The following FBXO42 variants were observed in gnomAD, a reference collection of about 807,000 sequenced individuals.
FBXO42 encodes F-box protein 42.
Under a neutral mutation model 71.7 loss-of-function variants are expected in FBXO42, and 12 were observed. That is an observed-to-expected ratio of 0.17 (90% CI 0.11 to 0.27). The LOEUF (loss-of-function observed/expected upper bound fraction) is 0.27, where lower values mean the gene tolerates loss of function less well. Ranked by LOEUF, FBXO42 falls within the 10% of genes least tolerant of loss-of-function variation. The probability of loss-of-function intolerance (pLI) is 1.00; values close to 1 mark genes in which losing one functional copy is unlikely to be tolerated. For missense variants in FBXO42, 707 were observed against 911.9 expected, an observed-to-expected ratio of 0.78 and a Z score of 2.89; for synonymous variants, 325 against 327.5, an observed-to-expected ratio of 0.99 and a Z score of 0.08.
chr1:16,305,601 T>C (rs542067693), intron 3 of FBXO42, among the ~76,000 whole-genome samples: 2 of 152,132 alleles, frequency 1.3e-5, no homozygotes, highest in South Asian at 2.1e-4. Flanking sequence ...GTAGTCCTCA[T>C]ACTCAGGAGG....
rs1413001231 is a variant in FBXO42, at chr1:16,295,009, C to A, written c.368-92G>T. The A allele has an allele frequency of 7.1e-6, 10 of 1,407,606 alleles. No homozygotes were observed. In the East Asian group the frequency reaches 2.4e-4, roughly 34 times the overall value. 87.2% of individuals were successfully genotyped at this position (1,407,606 alleles called of 1,614,324 possible). On this transcript the variant is annotated intron_variant, in intron 3 of 9. Coordinates refer to ENST00000375592, the MANE Select transcript of FBXO42 (RefSeq NM_018994.3). ...CATATATTTTTCAAAGCTTATTTCA[C>A]ACATTCAGCAATTTTGTTACCAAGT...
chr1:16,248,750 C>T lies in FBXO42; in HGVS notation c.*1920G>A, dbSNP rs534256817. Reference sequence around the variant, plus strand: ...GGCAACAGCACCAGAGCCTGAGTCGCGAAAGGGAAGTGTGGAGCTCCAAGC... The same window carrying T: ...GGCAACAGCACCAGAGCCTGAGTCGTGAAAGGGAAGTGTGGAGCTCCAAGC... On this transcript the variant is annotated 3_prime_UTR_variant, in exon 10 of 10. Transcript: ENST00000375592. 10 of 152,306 alleles carry T rather than the reference C, an allele frequency of 6.6e-5. No individual in the cohort carries two copies. The highest frequency in any genetic ancestry group is 4.1e-4 in the South Asian group (2 of 4,830). The allele number at this position is 152,306 out of a possible 1,614,324, so 9.4% of individuals were successfully genotyped here.
intron 1 of FBXO42, among the ~76,000 whole-genome samples, chr1:16,319,011 C>A (rs2082392467): frequency 6.6e-6 from 1 of 152,148 alleles, no homozygotes. Flanking sequence ...TTTTTTAATA[C>A]ATTTATTTCT....
intron 4 of FBXO42, among the ~76,000 whole-genome samples, chr1:16,261,757 G>A (rs990507534): frequency 1.3e-5 from 2 of 151,916 alleles, no homozygotes; most frequent in African/African-American, 4.8e-5. Context: ...AGGCTGGAGT[G>A]CAGTGGCGCG....
intron 1 of FBXO42, among the ~76,000 whole-genome samples, chr1:16,348,562 C>T (rs1015556897): frequency 1.3e-5 from 2 of 151,716 alleles, no homozygotes; most frequent in Non-Finnish European, 1.5e-5. Context: ...ATTAGCCGGG[C>T]GTGGGGCGGG....
chr1:16,279,854 C>CTTTTTCTTTTTT lies in FBXO42; in HGVS notation c.502+14928_502+14929insAAAAAAGAAAAA, dbSNP rs1553151075. On this transcript the variant is annotated intron_variant, in intron 4 of 9. Coordinates refer to ENST00000375592, the MANE Select transcript of FBXO42 (RefSeq NM_018994.3). ...TCATGTTGACAATGGTTTTTTTTTT[C>CTTTTTCTTTTTT]TTTTTTTTTTGAGACAGAGTCTTGC... Among the ~76,000 whole-genome samples the CTTTTTCTTTTTT allele has an allele frequency of 5.8e-5, 8 of 138,194 alleles. 1 individual carries two copies. Among genetic ancestry groups the CTTTTTCTTTTTT allele is most frequent in the African/African-American group, 2.2e-4 (8 of 36,556 alleles). 90.7% of individuals were successfully genotyped at this position (138,194 alleles called of 152,430 possible).
chr1:16,345,465 G>A (rs1569954749), intron 1 of FBXO42, among the ~76,000 whole-genome samples: 1 of 152,062 alleles, frequency 6.6e-6, no homozygotes, highest in Admixed American at 6.6e-5. Flanking sequence ...TTCTAGTTGT[G>A]ACTACTGAAA....
rs2081580251 is a variant in FBXO42 at position 16,250,489 on chromosome 1, A to G, written c.*181T>C. On this transcript the variant is annotated 3_prime_UTR_variant, in exon 10 of 10. Coordinates refer to ENST00000375592, the MANE Select transcript of FBXO42 (RefSeq NM_018994.3). The surrounding 1 kb of genome is among the most constrained non-coding windows in gnomAD (Gnocchi z 4.7). ...TTGGCTATATAATATATATATATAT[A>G]TTTATATATAATTTTTTTTCTTAAT... The G allele has an allele frequency of 1.1e-5, 2 of 182,866 alleles. No homozygotes were observed. Among genetic ancestry groups the G allele is most frequent in the South Asian group, 3.7e-4 (2 of 5,424 alleles). 11.3% of individuals were successfully genotyped at this position (182,866 alleles called of 1,614,324 possible).
chr1:16,342,467 T>C (rs1303192062), intron 1 of FBXO42, among the ~76,000 whole-genome samples: 1 of 149,484 alleles, frequency 6.7e-6, no homozygotes, highest in Non-Finnish European at 1.5e-5. Context: ...TTGTAGTCTC[T>C]GCTACTAGGG....
rs575801417 is a variant in FBXO42, at chr1:16,270,363, T to G, written c.503-13604A>C. Among the ~76,000 whole-genome samples the G allele has an allele frequency of 4.6e-5, 7 of 152,308 alleles. No homozygotes were observed. The East Asian group carries it at 1.4e-3, about 29-fold the overall frequency. ...CAAGCCCCATCACTTCCAGTGTCTCTGCTAGATGGAGTTAGGCAGCAGTAA... is the reference window on the plus strand; with the variant it reads ...CAAGCCCCATCACTTCCAGTGTCTCGGCTAGATGGAGTTAGGCAGCAGTAA... On this transcript the variant is annotated intron_variant, in intron 4 of 9. Transcript: ENST00000375592.
chr1:16,253,354 T>G, intron 7 of FBXO42: 1 of 603,140 alleles, frequency 1.7e-6, no homozygotes, highest in East Asian at 2.8e-5. Flanking sequence ...GGATACATTC[T>G]TTGTTGATCA....
chr1:16,325,676 TGAGA>T (rs1424318191), intron 1 of FBXO42, among the ~76,000 whole-genome samples: 1 of 152,292 alleles, frequency 6.6e-6, no homozygotes, highest in South Asian at 2.1e-4. Context: ...GTTTTGTTTT[TGAGA>T]GAGTCTGGCT....
chr1:16,304,960 G>C (rs908089360), intron 3 of FBXO42, among the ~76,000 whole-genome samples: 2 of 151,996 alleles, frequency 1.3e-5, no homozygotes, highest in African/African-American at 2.4e-5. Context: ...CAGAGACTCT[G>C]TCTCAAAAAA....
chr1:16,282,436 G>A (rs1410324017), intron 4 of FBXO42, among the ~76,000 whole-genome samples: 1 of 151,094 alleles, frequency 6.6e-6, no homozygotes, highest in Non-Finnish European at 1.5e-5. Context: ...ACGTTGGCCA[G>A]GGTGGTCTCG....
chr1:16,291,065 C>T (rs1287817052), intron 4 of FBXO42, among the ~76,000 whole-genome samples: 1 of 152,242 alleles, frequency 6.6e-6, no homozygotes, highest in Non-Finnish European at 1.5e-5. Flanking sequence ...ACTTCTCCAA[C>T]AGCTACACTT....
chr1:16,278,964 C>T (rs1300264229), intron 4 of FBXO42, among the ~76,000 whole-genome samples: 1 of 151,894 alleles, frequency 6.6e-6, no homozygotes, highest in African/African-American at 2.4e-5. Flanking sequence ...TTTTAGTACA[C>T]GGGGTTTCTC....
At position 16,326,205 on chromosome 1, in the gene FBXO42, A is replaced by G. The variant is rs528370357; in HGVS notation, c.-17-10770T>C. On this transcript the variant is annotated intron_variant, in intron 1 of 9. Coordinates refer to ENST00000375592, the MANE Select transcript of FBXO42 (RefSeq NM_018994.3). ...CAAGTAGCTGGGATTACAGGCATGC[A>G]CCAGCATGCCCGGCTAATTTTGTAT... 2.0e-5 allele frequency among the ~76,000 whole-genome samples: 3 copies of G among 151,196 alleles called. No individual in the cohort carries two copies. In the South Asian group the frequency reaches 6.2e-4, roughly 31 times the overall value.
intron 4 of FBXO42, among the ~76,000 whole-genome samples, chr1:16,290,367 G>A (rs1166956178): frequency 6.6e-6 from 1 of 152,094 alleles, no homozygotes; most frequent in Non-Finnish European, 1.5e-5. Context: ...GAGGTCATGA[G>A]GGTAGCCCTC....
chr1:16,266,008 A>C (rs1407322137), intron 4 of FBXO42, among the ~76,000 whole-genome samples: 1 of 151,746 alleles, frequency 6.6e-6, no homozygotes, highest in East Asian at 1.9e-4. Flanking sequence ...TACACACTTC[A>C]GACTTTTGGG....
Sources: gnomAD v4.1 joint callset for allele counts (sites outside exome capture counted in the v4.1 genomes callset) on GRCh38, gnomAD v4.1.1 for gene constraint, Gnocchi (gnomAD v3.1) non-coding constraint, MANE v1.5 for transcripts, NCBI Gene and HGNC (gene_info 2026-07-23, HGNC 2026-07-21) for gene names.